NAALADL2: variants seen among roughly 807,000 people sequenced by gnomAD.
NAALADL2 encodes inactive N-acetylated-alpha-linked acidic dipeptidase-like protein 2.
A neutral mutation model predicts 87.2 loss-of-function variants in NAALADL2; 76 were observed. The observed-to-expected ratio is 0.87, with a 90% CI of 0.72 to 1.05. The LOEUF (loss-of-function observed/expected upper bound fraction) is 1.05. Ranked by LOEUF, NAALADL2 falls within the 50% of genes least tolerant of loss-of-function variation. The pLI is 0.00. For synonymous variants in NAALADL2, 354 were observed against 331.0 expected (o/e 1.07, Z -0.75); for missense variants, 1,089 against 945.8 (o/e 1.15, Z -1.99).
intron 9 of NAALADL2, among the ~76,000 whole-genome samples, chr3:175,553,617 A>G (rs1714782468): frequency 6.7e-6 from 1 of 149,628 alleles, no homozygotes; most frequent in Admixed American, 6.8e-5. Flanking sequence ...CAAAAAGCAC[A>G]GCTCCTGAAA....
At position 175,471,665 on chromosome 3, in the gene NAALADL2, T is replaced by C; in HGVS notation, c.1560T>C (p.Asn520=). Residue 520 remains asparagine (N), a synonymous_variant, in exon 9 of 14, where the codon AAT becomes AAC. Coordinates refer to ENST00000454872, the MANE Select transcript of NAALADL2 (RefSeq NM_207015.3). ...GEDFKKVLQK[N]VVAYISLHSP... Reference sequence around the variant, plus strand: ...ATTTCAAGAAGGTTCTTCAGAAAAATGTTGTGGCTTATATTAGCCTCCACA... The same window carrying C: ...ATTTCAAGAAGGTTCTTCAGAAAAACGTTGTGGCTTATATTAGCCTCCACA... 6.5e-7 allele frequency: 1 copy of C among 1,536,810 alleles called. No individual in the cohort carries two copies. The highest frequency in any genetic ancestry group is 9.0e-7 in the Non-Finnish European group (1 of 1,113,314).
intron 4 of NAALADL2, among the ~76,000 whole-genome samples, chr3:175,258,211 G>A (rs1475565638): frequency 5.3e-5 from 8 of 151,602 alleles, no homozygotes; most frequent in Admixed American, 5.3e-4. Context: ...GGGAGGCTGA[G>A]GCAAGAGAAT....
At chr3:174,945,006 G>T (rs9866699) in intron 1 of NAALADL2, among the ~76,000 whole-genome samples, 43,472 of 151,872 alleles carry the variant, frequency 0.29, 7,251 homozygotes, top group East Asian at 0.48. Context: ...AGTTCTTCTG[G>T]GTGAGAGGCA....
intron 9 of NAALADL2, among the ~76,000 whole-genome samples, chr3:175,483,615 T>C (rs1726834282): frequency 6.6e-6 from 1 of 151,950 alleles, no homozygotes; most frequent in African/African-American, 2.4e-5. Context: ...ATGCATTTGG[T>C]GTTCAGGACT....
intron 9 of NAALADL2, among the ~76,000 whole-genome samples, chr3:175,495,089 TA>T (rs200586950): frequency 8.8e-4 from 126 of 142,600 alleles, no homozygotes; most frequent in Middle Eastern, 3.7e-3. Flanking sequence ...TATATATATA[TA>T]TATTTTTTTT....
Position 175,416,840 on chromosome 3 carries a change from T to C in NAALADL2, c.1091-30389T>C, listed in dbSNP as rs574612085. The stretch of plus-strand genomic sequence containing the variant: ...AAAAAGTGTGAAAACTGCAATTCTA[T>C]GATACGTGAATGTATGTGGATGATA... On this transcript the variant is annotated intron_variant, in intron 5 of 13. Coordinates refer to ENST00000454872, the MANE Select transcript of NAALADL2 (RefSeq NM_207015.3). Among the ~76,000 whole-genome samples, 7 of 152,156 alleles carry C rather than the reference T, an allele frequency of 4.6e-5. No homozygotes were observed. In the South Asian group the frequency reaches 1.4e-3, roughly 32 times the overall value.
intron 2 of NAALADL2, among the ~76,000 whole-genome samples, chr3:175,185,857 A>AT (rs1225631015): frequency 6.6e-6 from 1 of 151,518 alleles, no homozygotes; most frequent in African/African-American, 2.4e-5. Flanking sequence ...AAAACTTGCA[A>AT]TTTTTTTCTG....
chr3:175,146,544 G>A (rs9873180), intron 2 of NAALADL2, among the ~76,000 whole-genome samples: 5,393 of 152,162 alleles, frequency 0.035, 239 homozygotes, highest in African/African-American at 0.1. Context: ...GAAATTCATA[G>A]AATATTACTT....
At chr3:175,684,839 A>C (rs758309601) in intron 11 of NAALADL2, among the ~76,000 whole-genome samples, 1 of 152,164 alleles carries the variant, frequency 6.6e-6, no homozygotes, top group Non-Finnish European at 1.5e-5. Flanking sequence ...TATTAAATTG[A>C]TATGTACAAA....
At chr3:175,664,942 C>T (rs1306968267) in intron 11 of NAALADL2, among the ~76,000 whole-genome samples, 1 of 152,020 alleles carries the variant, frequency 6.6e-6, no homozygotes, top group Non-Finnish European at 1.5e-5. Flanking sequence ...GAATTTCTCC[C>T]TCTTCATTTT....
At position 175,471,392 on chromosome 3, in the gene NAALADL2, G is replaced by A. The variant is rs559053280; in HGVS notation, c.1534-247G>A. 6.1e-4 allele frequency among the ~76,000 whole-genome samples: 92 copies of A among 150,676 alleles called. 1 individual carries two copies. The East Asian group carries it at 0.016, about 27-fold the overall frequency. On this transcript the variant is annotated intron_variant, in intron 8 of 13. Coordinates refer to ENST00000454872, the MANE Select transcript of NAALADL2 (RefSeq NM_207015.3). ...CCAGCTACTGAGGCAGGAGAATGGC[G>A]TGAACCCGGGAGGTGAAACTTGCAG...
At chr3:174,517,189 A>T (rs1287258503) in intron 1 of NAALADL2, among the ~76,000 whole-genome samples, 1 of 152,014 alleles carries the variant, frequency 6.6e-6, no homozygotes, top group Non-Finnish European at 1.5e-5. Context: ...ATTAAGATTT[A>T]TATTATAGAG....
chr3:174,550,254 T>C (rs1053291594), intron 1 of NAALADL2, among the ~76,000 whole-genome samples: 1 of 152,042 alleles, frequency 6.6e-6, no homozygotes, highest in African/African-American at 2.4e-5. Flanking sequence ...GGTTTCCTAG[T>C]GACAAATGTT....
At chr3:174,608,962 A>G (rs1719452196) in intron 2 of NAALADL2, among the ~76,000 whole-genome samples, 2 of 151,650 alleles carry the variant, frequency 1.3e-5, no homozygotes, top group Admixed American at 1.3e-4. Context: ...AAGCTTATCC[A>G]CCATGATCAA....
intron 1 of NAALADL2, among the ~76,000 whole-genome samples, chr3:174,546,418 A>G (rs535333994): frequency 5.0e-4 from 76 of 152,272 alleles, no homozygotes; most frequent in South Asian, 3.9e-3. Flanking sequence ...TCAGAGAAGA[A>G]GACCTTATTC....
At chr3:174,865,397 T>C (rs1727026397) in intron 1 of NAALADL2, among the ~76,000 whole-genome samples, 1 of 151,984 alleles carries the variant, frequency 6.6e-6, no homozygotes, top group South Asian at 2.1e-4. Flanking sequence ...ACTGCTGAAA[T>C]CCATTCAATC....
At chr3:175,443,955 T>C (rs1720252128) in intron 5 of NAALADL2, among the ~76,000 whole-genome samples, 1 of 152,186 alleles carries the variant, frequency 6.6e-6, no homozygotes, top group Non-Finnish European at 1.5e-5. Context: ...CTGAGTACTT[T>C]AGATGCATGT....
At chr3:175,796,688 C>G (rs1560026250) in intron 13 of NAALADL2, among the ~76,000 whole-genome samples, 1 of 152,170 alleles carries the variant, frequency 6.6e-6, no homozygotes, top group Admixed American at 6.5e-5. Context: ...GAACTTTTCT[C>G]TCTGCATTCA....
chr3:174,778,612 A>T (rs1715532597), intron 3 of NAALADL2, among the ~76,000 whole-genome samples: 1 of 151,908 alleles, frequency 6.6e-6, no homozygotes, highest in African/African-American at 2.4e-5. Flanking sequence ...ATGTCTCCTA[A>T]TGCTATCCCT....
Sources: gnomAD v4.1 joint callset for allele counts (sites outside exome capture counted in the v4.1 genomes callset) on GRCh38, gnomAD v4.1.1 for gene constraint, MANE v1.5 for transcripts, NCBI Gene and HGNC (gene_info 2026-07-23, HGNC 2026-07-21) for gene names.